Variants in CEP131 observed in about 807,000 individuals in gnomAD.
The protein encoded by CEP131 is centrosomal protein of 131 kDa.
CEP131 carries 99 observed loss-of-function variants against 136.8 expected under a neutral mutation model. The observed-to-expected ratio is 0.72, with a 90% confidence interval of 0.62 to 0.86. CEP131 has a LOEUF of 0.86. Among genes scored for constraint, CEP131 ranks in the 40% least tolerant of loss-of-function variants. The pLI is 0.00. For synonymous variants in CEP131, 646 were observed against 612.7 expected, an observed-to-expected ratio of 1.05 and a Z score of -0.80; for missense variants, 1,459 against 1,463.0, an observed-to-expected ratio of 1.00 and a Z score of 0.04.
intron 2 of CEP131, among the ~76,000 whole-genome samples, 163 bp from the exon 3 acceptor site, chr17:81,209,185 G>A (rs558068113): frequency 1.2e-3 from 188 of 152,314 alleles, no homozygotes; most frequent in African/African-American, 4.1e-3. Context: ...CAGAGGGGCA[G>A]GAGCACTGGA....
Position 81,214,512 on chromosome 17 carries a change from C to T in CEP131, c.177+5368G>A, listed in dbSNP as rs149124451. Among the ~76,000 whole-genome samples the T allele has an allele frequency of 3.5e-3, 525 of 152,062 alleles. 4 individuals carry two copies. Among genetic ancestry groups the T allele is most frequent in the African/African-American group, 0.012 (490 of 41,440 alleles). On this transcript the variant is annotated intron_variant, in intron 2 of 25. Transcript: ENST00000450824. ...CAGAGATTGCGGTGAGGTGAAATCA[C>T]ACCATTGCACTCCAGCCTAGGTGAC...
chr17:81,205,425 AGCGGGATGGGGGTAGGAGGGGTG>A (rs2061984488), intron 5 of CEP131, among the ~76,000 whole-genome samples: 1 of 75,806 alleles, frequency 1.3e-5, no homozygotes, highest in African/African-American at 6.0e-5. Flanking sequence ...TAGGAGGGGC[AGCGGGATGGGGGTAGGAGGGGTG>A]GGGGGGTAGG....
chr17:81,192,360 C>T lies in CEP131; in HGVS notation c.2580G>A (p.Glu860=). ...MELNTLKQQL[E]LERQAWEAGR... The stretch of plus-strand genomic sequence containing the variant: ...CGGCCTCCCACGCCTGCCTCTCCAG[C>T]TCCAGCTGCTGCTTCAGGGTATTCA... Residue 860 remains glutamate (E), a synonymous_variant, in exon 21 of 26, where the codon GAG becomes GAA. Coordinates refer to ENST00000450824, the MANE Select transcript of CEP131 (RefSeq NM_014984.4). 6.3e-7 allele frequency: 1 copy of T among 1,591,712 alleles called. No individual in the cohort carries two copies.
At position 81,203,394 on chromosome 17, in the gene CEP131, G is replaced by T; in HGVS notation, c.629+100C>A. Reference sequence around the variant, plus strand: ...ACCAAGGTAGAACCCTGTGTGAACTGACCGCGTGCCCTGACCGAGGTCGGA... The same window carrying T: ...ACCAAGGTAGAACCCTGTGTGAACTTACCGCGTGCCCTGACCGAGGTCGGA... On this transcript the variant is annotated intron_variant, in intron 6 of 25. Transcript: ENST00000450824. This position sits in a 1 kb window ranked among gnomAD's most constrained non-coding sequence, Gnocchi z 4.6. 1.1e-6 allele frequency: 1 copy of T among 923,088 alleles called. No individual in the cohort carries two copies. Among genetic ancestry groups the T allele is most frequent in the South Asian group, 1.6e-5 (1 of 64,328 alleles). The allele number at this position is 923,088 out of a possible 1,614,324, so 57.2% of individuals were successfully genotyped here. A position where few individuals can be genotyped will look rare whatever the true frequency, so the allele number is the denominator to read the frequency against.
rs1453719635 is a variant in CEP131 at position 81,193,913 on chromosome 17, G to C, written c.2321+13C>G. The C allele has an allele frequency of 6.5e-7, 1 of 1,532,394 alleles. No homozygotes were observed. Among genetic ancestry groups the C allele is most frequent in the African/African-American group, 1.4e-5 (1 of 72,450 alleles). 94.9% of individuals were successfully genotyped at this position (1,532,394 alleles called of 1,614,324 possible). A position where few individuals can be genotyped will look rare whatever the true frequency, so the allele number is the denominator to read the frequency against. On this transcript the variant is annotated intron_variant, in intron 18 of 25. Coordinates refer to ENST00000450824, the MANE Select transcript of CEP131 (RefSeq NM_014984.4). ...GAGGGTCCTGGCCCCACCGGCCTGG[G>C]GCCACCACCCACCGCTGCCGAGCAC...
Position 81,202,413 on chromosome 17 carries a change from G to T in CEP131, c.630-15C>A. 1 of 1,611,106 alleles carries T rather than the reference G, an allele frequency of 6.2e-7. No homozygotes were observed. The highest frequency in any genetic ancestry group is 8.5e-7 in the Non-Finnish European group (1 of 1,179,298). On this transcript the variant is annotated splice_polypyrimidine_tract_variant and intron_variant, in intron 6 of 25. Coordinates refer to ENST00000450824, the MANE Select transcript of CEP131 (RefSeq NM_014984.4). Reference sequence around the variant, plus strand: ...TGATGATGTTGCTGACAGGTAAGAAGAAAACACCCTCGTCTCACCGCCCAG... The same window carrying T: ...TGATGATGTTGCTGACAGGTAAGAATAAAACACCCTCGTCTCACCGCCCAG...
In CEP131 at chr17:81,192,335, C is replaced by CTCCA; in HGVS notation, c.2604_2605insTGGA (p.Gly869TrpfsTer31). ...GCCCCCACCTCCTTCCTGGTGCGGCCGGCCTCCCACGCCTGCCTCTCCAGC... is the reference window on the plus strand; with the variant it reads ...GCCCCCACCTCCTTCCTGGTGCGGCCTCCAGGCCTCCCACGCCTGCCTCTCCAGC... On this transcript the variant is annotated frameshift_variant, in exon 21 of 26. Transcript: ENST00000450824. LOFTEE classifies it high-confidence loss of function. The CTCCA allele has an allele frequency of 1.9e-6, 3 of 1,563,964 alleles. No individual in the cohort carries two copies. The highest frequency in any genetic ancestry group is 2.1e-4 in the Middle Eastern group (1 of 4,746).
rs758376428 is a variant in CEP131 at position 81,207,159 on chromosome 17, G to A, written c.353C>T (p.Ala118Val). Residue 118 changes from alanine to valine, a missense_variant, in exon 4 of 26, where the codon GCC (alanine) becomes GTC (valine). This residue lies in a region of CEP131 where 187 missense variants were observed against 179.9 expected (regional missense o/e 1.04). Coordinates refer to ENST00000450824, the MANE Select transcript of CEP131 (RefSeq NM_014984.4). ...CCAGGTGGCTCCCTTCTCGCTGGGG[G>A]CTGTGCTCAGGCTGGCAGGCCTCTT... Reference protein sequence around the residue: ...GKKRPASLSTAPSEKGATWNV... With the variant: ...GKKRPASLSTVPSEKGATWNV... 6.2e-7 allele frequency: 1 copy of A among 1,613,544 alleles called. No homozygotes were observed. The highest frequency in any genetic ancestry group is 1.7e-5 in the Admixed American group (1 of 59,890).
At chr17:81,221,897 G>A (rs907478850) in intron 1 of CEP131, among the ~76,000 whole-genome samples, 12 of 152,148 alleles carry the variant, frequency 7.9e-5, no homozygotes, top group African/African-American at 2.9e-4. Context: ...AGGTCACCCT[G>A]GGCTTCCTTC....
chr17:81,212,711 G>A (rs532277758), intron 2 of CEP131, among the ~76,000 whole-genome samples: 64 of 151,746 alleles, frequency 4.2e-4, no homozygotes, highest in African/African-American at 1.5e-3. Context: ...CTAAACCAGG[G>A]ACAGCAGACG....
intron 21 of CEP131, among the ~76,000 whole-genome samples, chr17:81,191,690 T>C (rs2061645485): frequency 2.0e-5 from 3 of 152,162 alleles, no homozygotes; most frequent in Admixed American, 2.0e-4. Context: ...GAGCCTAAGC[T>C]GGCAGCCTCC....
At chr17:81,199,083 A>C in intron 10 of CEP131, 112 bp from the exon 11 acceptor site, 10 of 1,087,214 alleles carry the variant, frequency 9.2e-6, no homozygotes, top group Non-Finnish European at 1.2e-5. Context: ...GCGACCCCAG[A>C]AGCAGAGGAG....
chr17:81,194,970 C>T lies in CEP131; in HGVS notation c.2019G>A (p.Glu673=), dbSNP rs1052464600. The change falls in exon 17 of 26, where the codon GAG becomes GAA. Residue 673 remains glutamate, a splice_region_variant and synonymous_variant. Coordinates refer to ENST00000450824, the MANE Select transcript of CEP131 (RefSeq NM_014984.4). ...VAQAQAQHEL[E]IKKLKELMSA... is the part of the protein sequence containing the mutation. Reference sequence around the variant, plus strand: ...TCATTAATTCTTTGAGTTTTTTAATCTCCTACGAGCAGAACAGGGCAGGAG... The same window carrying T: ...TCATTAATTCTTTGAGTTTTTTAATTTCCTACGAGCAGAACAGGGCAGGAG... The T allele has an allele frequency of 2.5e-6, 4 of 1,609,816 alleles. No homozygotes were observed. The Admixed American group carries it at 6.7e-5, about 27-fold the overall frequency.
intron 13 of CEP131, chr17:81,197,437 A>G: frequency 1.8e-6 from 1 of 551,144 alleles, no homozygotes; most frequent in Non-Finnish European, 3.2e-6. Flanking sequence ...GGGCTCGTGG[A>G]GGCAGCTCGG....
chr17:81,200,138 C>A (rs2061857445), intron 8 of CEP131, 191 bp downstream of exon 8: 6 of 616,494 alleles, frequency 9.7e-6, no homozygotes, highest in Non-Finnish European at 1.4e-5. Context: ...ACACCCAGGC[C>A]CTGAGGACCG....
Position 81,208,677 on chromosome 17 carries a change from C to T in CEP131, c.272+251G>A, listed in dbSNP as rs568711600. On this transcript the variant is annotated intron_variant, in intron 3 of 25. Coordinates refer to ENST00000450824, the MANE Select transcript of CEP131 (RefSeq NM_014984.4). This position sits in a 1 kb window ranked among gnomAD's most constrained non-coding sequence, Gnocchi z 5.6. ...CCTCAGGCAGGGTCCCAGCAGCCGC[C>T]GGGACAGCAAGGAGGAAGGGAGGGA... is the stretch of plus-strand genomic sequence containing the variant. 4.1e-4 allele frequency among the ~76,000 whole-genome samples: 63 copies of T among 152,300 alleles called. No individual in the cohort carries two copies. Among genetic ancestry groups the T allele is most frequent in the Non-Finnish European group, 6.8e-4 (46 of 68,014 alleles).
At position 81,195,136 on chromosome 17, in the gene CEP131, C is replaced by T. The variant is rs558437610; in HGVS notation, c.2017-164G>A. Among the ~76,000 whole-genome samples the T allele has an allele frequency of 4.9e-3, 725 of 147,446 alleles. 8 individuals carry two copies. Among genetic ancestry groups the T allele is most frequent in the African/African-American group, 0.017 (680 of 38,984 alleles). ...ACAGAGCCACTGCTGCCCTCCCCAG[C>T]GCCCGGGGCCAGGCTGGAGGCCCAG... On this transcript the variant is annotated intron_variant, in intron 16 of 25. Transcript: ENST00000450824.
Position 81,197,901 on chromosome 17 carries a change from A to G in CEP131, c.1471-13T>C. On this transcript the variant is annotated splice_polypyrimidine_tract_variant and intron_variant, in intron 12 of 25. Transcript: ENST00000450824. ...TGGCGTCATCCTCCTGTGGGACAGG[A>G]GCCCAGCATCGGGGGCTGTCAGGGC... is the stretch of plus-strand genomic sequence containing the variant. The G allele has an allele frequency of 3.1e-6, 5 of 1,607,636 alleles. No homozygotes were observed. The highest frequency in any genetic ancestry group is 3.4e-6 in the Non-Finnish European group (4 of 1,176,082).
Position 81,203,345 on chromosome 17 carries a change from C to T in CEP131, c.629+149G>A. 2 of 643,464 alleles carry T rather than the reference C, an allele frequency of 3.1e-6. No individual in the cohort carries two copies. Among genetic ancestry groups the T allele is most frequent in the South Asian group, 1.9e-5 (1 of 53,118 alleles). The allele number at this position is 643,464 out of a possible 1,614,324, so 39.9% of individuals were successfully genotyped here. A position where few individuals can be genotyped will look rare whatever the true frequency, so the allele number is the denominator to read the frequency against. On this transcript the variant is annotated intron_variant, in intron 6 of 25. Coordinates refer to ENST00000450824, the MANE Select transcript of CEP131 (RefSeq NM_014984.4). This position sits in a 1 kb window ranked among gnomAD's most constrained non-coding sequence, Gnocchi z 4.6. Reference sequence around the variant, plus strand: ...ACGTGCCCTGACCGAGGTTGGACCCCATGCACACTGACCGCATGCCCTGAC... The same window carrying T: ...ACGTGCCCTGACCGAGGTTGGACCCTATGCACACTGACCGCATGCCCTGAC...
Sources: allele counts gnomAD v4.1 joint callset (sites outside exome capture counted in the v4.1 genomes callset), GRCh38; gene constraint gnomAD v4.1.1; regional missense constraint gnomAD v4.1.1; non-coding constraint Gnocchi (gnomAD v3.1); transcripts MANE v1.5; gene names NCBI Gene and HGNC (gene_info 2026-07-23, HGNC 2026-07-21).